Variants in PRKCH observed in about 807,000 individuals in gnomAD.
PRKCH encodes the protein protein kinase C eta.
In PRKCH, 28 loss-of-function variants were observed where a neutral mutation model predicts 82.5. That is an observed-to-expected ratio of 0.34 (90% CI 0.25 to 0.47). The LOEUF (loss-of-function observed/expected upper bound fraction) is 0.47, where lower values mean the gene tolerates loss of function less well. Ranked by LOEUF, PRKCH falls within the 20% of genes least tolerant of loss-of-function variation. The pLI, the probability that PRKCH is intolerant of heterozygous loss-of-function variation, is 1.00. For missense variants in PRKCH, 705 were observed against 881.8 expected (o/e 0.80, Z 2.54); for synonymous variants, 322 against 327.4 (o/e 0.98, Z 0.18).
At chr14:61,236,825 C>T (rs763952207) in intron 1 of PRKCH, among the ~76,000 whole-genome samples, 7 of 151,788 alleles carry the variant, frequency 4.6e-5, no homozygotes, top group Middle Eastern at 3.4e-3. Flanking sequence ...ATCAGCACCA[C>T]GACAGTTTAG....
At chr14:61,457,966 A>G (rs920474944) in intron 9 of PRKCH, among the ~76,000 whole-genome samples, 2 of 152,220 alleles carry the variant, frequency 1.3e-5, no homozygotes, top group African/African-American at 4.8e-5. Flanking sequence ...AGGTGAAGTG[A>G]AGGTGAATGA....
At chr14:61,225,033 T>C (rs2044686381) in intron 1 of PRKCH, among the ~76,000 whole-genome samples, 1 of 152,232 alleles carries the variant, frequency 6.6e-6, no homozygotes, top group Non-Finnish European at 1.5e-5. Context: ...ATTTTAATTA[T>C]GTCTCCTACC....
intron 1 of PRKCH, chr14:61,306,150 A>G (rs962343251): frequency 2.0e-5 from 3 of 152,332 alleles, no homozygotes; most frequent in Admixed American, 1.3e-4. Context: ...TAGAATTTCA[A>G]TTGAATGGAT....
chr14:61,463,845 A>G (rs1885137062), intron 9 of PRKCH, among the ~76,000 whole-genome samples: 1 of 152,220 alleles, frequency 6.6e-6, no homozygotes, highest in Non-Finnish European at 1.5e-5. Context: ...TGACTGGCTT[A>G]TTTCAAATAA....
At chr14:61,469,814 G>A (rs569679086) in intron 9 of PRKCH, among the ~76,000 whole-genome samples, 28 of 152,040 alleles carry the variant, frequency 1.8e-4, no homozygotes, top group Admixed American at 1.3e-4. Context: ...GTTGTGCACT[G>A]GCAGGTTAGG....
chr14:61,237,911 G>A (rs534951335), intron 1 of PRKCH, among the ~76,000 whole-genome samples: 1 of 152,350 alleles, frequency 6.6e-6, no homozygotes, highest in African/African-American at 2.4e-5. Flanking sequence ...ACTTGTCTTA[G>A]ATACTTTTTG....
chr14:61,323,773 G>A (rs1219636674), intron 1 of PRKCH, among the ~76,000 whole-genome samples: 1 of 152,212 alleles, frequency 6.6e-6, no homozygotes, highest in Non-Finnish European at 1.5e-5. Context: ...GGGGACTAGA[G>A]AGGAATTGCT....
chr14:61,356,978 G>A (rs981398604), intron 1 of PRKCH, among the ~76,000 whole-genome samples: 3 of 152,158 alleles, frequency 2.0e-5, no homozygotes, highest in African/African-American at 7.2e-5. Flanking sequence ...CACCACACCT[G>A]GCCTTATTTA....
At chr14:61,422,169 G>A (rs953638039) in intron 2 of PRKCH, among the ~76,000 whole-genome samples, 7 of 152,078 alleles carry the variant, frequency 4.6e-5, no homozygotes, top group Non-Finnish European at 1.0e-4. Flanking sequence ...CTGCAACCTC[G>A]AACTCCTGGG....
intron 1 of PRKCH, chr14:61,327,111 G>A: frequency 2.2e-6 from 1 of 455,996 alleles, no homozygotes; most frequent in Admixed American, 2.3e-5. Flanking sequence ...TGTTTTCCTG[G>A]TTCAGCCCTC....
At chr14:61,491,335 G>T (rs1443907042) in intron 10 of PRKCH, among the ~76,000 whole-genome samples, 1 of 152,158 alleles carries the variant, frequency 6.6e-6, no homozygotes, top group Non-Finnish European at 1.5e-5. Flanking sequence ...TTTGCGTACT[G>T]CAGAGACTAC....
chr14:61,420,187 G>A (rs12436712), intron 2 of PRKCH, among the ~76,000 whole-genome samples: 29,258 of 152,090 alleles, frequency 0.19, 3,217 homozygotes, highest in Admixed American at 0.34. Flanking sequence ...CTGTACGTGT[G>A]TGTGTGCGTG....
At chr14:61,206,517 A>T (rs2044525431) in intron 1 of PRKCH, among the ~76,000 whole-genome samples, 1 of 152,202 alleles carries the variant, frequency 6.6e-6, no homozygotes. Flanking sequence ...TCACATTTTG[A>T]GTTTCCAGGT....
intron 1 of PRKCH, among the ~76,000 whole-genome samples, chr14:61,357,852 C>A (rs2046171930): frequency 6.6e-6 from 1 of 152,110 alleles, no homozygotes. Context: ...TTTCTCTCCT[C>A]ATATATACTC....
chr14:61,363,029 C>T (rs558710658), intron 1 of PRKCH, among the ~76,000 whole-genome samples: 25 of 152,212 alleles, frequency 1.6e-4, no homozygotes, highest in African/African-American at 5.3e-4. Flanking sequence ...AGATGATGAA[C>T]GGGTGAGAGA....
At position 61,358,015 on chromosome 14, in the gene PRKCH, G is replaced by A. The variant is rs187056282; in HGVS notation, c.364-33210G>A. On this transcript the variant is annotated intron_variant, in intron 1 of 13. Transcript: ENST00000332981. ...TAAATTTTCCAGGAGCTGAATGCAT[G>A]ACCATTTCTCCTAAACCTCCCCTTC... 7.2e-5 allele frequency among the ~76,000 whole-genome samples: 11 copies of A among 152,202 alleles called. No homozygotes were observed. The East Asian group carries it at 1.9e-3, about 27-fold the overall frequency.
At chr14:61,199,608 GT>G (rs1714544202) in intron 1 of PRKCH, among the ~76,000 whole-genome samples, 1 of 116,434 alleles carries the variant, frequency 8.6e-6, no homozygotes, top group Non-Finnish European at 1.8e-5. Context: ...TGCTTCACTT[GT>G]TTTTGTTTCA....
Position 61,391,273 on chromosome 14 carries a change from G to A in PRKCH, c.412G>A (p.Gly138Arg), listed in dbSNP as rs1305353947. ...GKVFVVITLT[G>R]SFTEATLQRD... is the part of the protein sequence containing the mutation. ...AGTATTTGTGGTAATAACCCTTACCGGGAGTTTCACTGAAGGTAAGAATGA... is the reference window on the plus strand; with the variant it reads ...AGTATTTGTGGTAATAACCCTTACCAGGAGTTTCACTGAAGGTAAGAATGA... The change falls in exon 2 of 14, where the codon GGG becomes AGG. Residue 138 changes from glycine (G) to arginine (R), a missense_variant. Gly to Arg is a moderately radical substitution (Grantham distance 125). Around this residue, in one of 5 missense-constraint regions of PRKCH, gnomAD observed 246 missense variants for 308.0 expected, o/e 0.80. Coordinates refer to ENST00000332981, the MANE Select transcript of PRKCH (RefSeq NM_006255.5). 5 of 1,609,904 alleles carry A rather than the reference G, an allele frequency of 3.1e-6. No homozygotes were observed. Among genetic ancestry groups the A allele is most frequent in the Non-Finnish European group, 4.2e-6 (5 of 1,178,254 alleles).
intron 9 of PRKCH, chr14:61,476,543 T>C (rs1885738052): frequency 6.6e-6 from 1 of 152,238 alleles, no homozygotes. Flanking sequence ...TCACAGTGTG[T>C]TAAACTGCAA....
Sources: gnomAD v4.1 joint callset for allele counts (sites outside exome capture counted in the v4.1 genomes callset) on GRCh38, gnomAD v4.1.1 for gene constraint, gnomAD v4.1.1 regional missense constraint, MANE v1.5 for transcripts, NCBI Gene and HGNC (gene_info 2026-07-23, HGNC 2026-07-21) for gene names.